Variants in ABCB9 observed in about 807,000 individuals in gnomAD.
ABCB9 encodes ATP binding cassette subfamily B member 9, also known as ABC-type oligopeptide transporter ABCB9.
In ABCB9, 36 loss-of-function variants were observed where a neutral mutation model predicts 62.0. The ratio of observed to expected loss-of-function variants is 0.58; its 90% CI spans 0.45 to 0.77. The LOEUF is 0.77. ABCB9 is among the 30% of genes least tolerant of loss of function. ABCB9 has a pLI of 0.00. For missense variants in ABCB9, 943 were observed against 1,054.7 expected, an observed-to-expected ratio of 0.89 and a Z score of 1.47; for synonymous variants, 435 against 461.4, an observed-to-expected ratio of 0.94 and a Z score of 0.73.
At chr12:122,953,802 G>A (rs2036484310) in intron 2 of ABCB9, among the ~76,000 whole-genome samples, 1 of 152,110 alleles carries the variant, frequency 6.6e-6, no homozygotes, top group Non-Finnish European at 1.5e-5. Flanking sequence ...GATTACAGGT[G>A]TGAGCCACCA....
Position 122,929,773 on chromosome 12 carries a change from C to T in ABCB9, c.*138G>A, listed in dbSNP as rs1251693690. 4.9e-6 allele frequency: 7 copies of T among 1,416,098 alleles called. No individual in the cohort carries two copies. The highest frequency in any genetic ancestry group is 3.2e-5 in the South Asian group (2 of 63,346). 87.7% of individuals were successfully genotyped at this position (1,416,098 alleles called of 1,614,324 possible). A position where few individuals can be genotyped will look rare whatever the true frequency, so the allele number is the denominator to read the frequency against. On this transcript the variant is annotated 3_prime_UTR_variant, in exon 12 of 12. Transcript: ENST00000280560. This position sits in a 1 kb window ranked among gnomAD's most constrained non-coding sequence, Gnocchi z 6.0. Reference sequence around the variant, plus strand: ...GGGACCAGGGGCAAGATGCAGGAAGCGGTGATCCATGGGACATGGCAGGTC... The same window carrying T: ...GGGACCAGGGGCAAGATGCAGGAAGTGGTGATCCATGGGACATGGCAGGTC...
At position 122,942,457 on chromosome 12, in the gene ABCB9, A is replaced by G. The variant is rs550363411; in HGVS notation, c.1381-1462T>C. Among the ~76,000 whole-genome samples the G allele has an allele frequency of 9.2e-5, 14 of 151,540 alleles. No homozygotes were observed. The South Asian group carries it at 2.7e-3, about 29-fold the overall frequency. ...ACAATTTTGTACTAAATTTTGTACT[A>G]AAAGTACAAAAATTAGCTGGGCATG... On this transcript the variant is annotated intron_variant, in intron 7 of 11. Coordinates refer to ENST00000280560, the MANE Select transcript of ABCB9 (RefSeq NM_019625.4).
chr12:122,951,149 T>C (rs1352224963), intron 2 of ABCB9: 1 of 152,028 alleles, frequency 6.6e-6, no homozygotes, highest in Non-Finnish European at 1.5e-5. Context: ...CTCCTGAACT[T>C]TGTTTCATTC....
chr12:122,945,900 A>G (rs766141188), intron 6 of ABCB9, 125 bp downstream of exon 6: 17 of 912,328 alleles, frequency 1.9e-5, no homozygotes, highest in Middle Eastern at 3.4e-4. Flanking sequence ...AAAAAAAAAG[A>G]AAGACAGACA....
At chr12:122,936,598 T>C (rs1181022597) in intron 9 of ABCB9, among the ~76,000 whole-genome samples, 3 of 151,908 alleles carry the variant, frequency 2.0e-5, no homozygotes, top group Non-Finnish European at 1.5e-5. Flanking sequence ...AGAACCCGTC[T>C]CTACAAAATA....
intron 5 of ABCB9, chr12:122,948,228 G>A (rs564581108): frequency 9.7e-5 from 15 of 155,288 alleles, no homozygotes; most frequent in Non-Finnish European, 1.7e-4. Flanking sequence ...ATGAGCCACC[G>A]GGCCCAGCCA....
At chr12:122,973,357 G>A (rs2037307925) in intron 1 of ABCB9, 1 of 151,642 alleles carries the variant, frequency 6.6e-6, no homozygotes, top group Admixed American at 6.6e-5. Flanking sequence ...GAGGTCAGGA[G>A]ATCGAGACCA....
Position 122,940,195 on chromosome 12 carries a change from C to A in ABCB9, c.1659G>T (p.Glu553Asp), listed in dbSNP as rs1383540381. Reference protein sequence around the residue: ...SGKSSCVNILENFYPLEGGRV... With the variant: ...SGKSSCVNILDNFYPLEGGRV... The stretch of plus-strand genomic sequence containing the variant: ...GGCCCCCCTCCAGGGGGTAGAAGTT[C>A]TCCAGGATGTTGACACAGGAGCTCT... The change falls in exon 9 of 12, where the codon GAG (glutamate) becomes GAT (aspartate). Residue 553 changes from glutamate (E) to aspartate (D), a missense_variant. Transcript: ENST00000280560. The surrounding 1 kb of genome is among the most constrained non-coding windows in gnomAD (Gnocchi z 4.8). 6.2e-7 allele frequency: 1 copy of A among 1,613,664 alleles called. No individual in the cohort carries two copies.
intron 10 of ABCB9, among the ~76,000 whole-genome samples, chr12:122,934,677 T>C (rs961518432): frequency 1.9e-4 from 28 of 150,970 alleles, no homozygotes; most frequent in African/African-American, 6.6e-4. Flanking sequence ...TAAAAATATA[T>C]AAAACTCTAA....
Position 122,940,050 on chromosome 12 carries a change from A to C in ABCB9, c.1743+61T>G. 5 of 1,548,922 alleles carry C rather than the reference A, an allele frequency of 3.2e-6. No homozygotes were observed. The highest frequency in any genetic ancestry group is 3.5e-6 in the Non-Finnish European group (4 of 1,143,322). On this transcript the variant is annotated intron_variant, in intron 9 of 11. Transcript: ENST00000280560. This position sits in a 1 kb window ranked among gnomAD's most constrained non-coding sequence, Gnocchi z 4.8. ...CCCTCTTCCGCACCTGTTACAGCTC[A>C]CAAGAAAGACGGTTAGATGCAGAAA... is the stretch of plus-strand genomic sequence containing the variant.
At chr12:122,936,388 G>A (rs1300155443) in intron 9 of ABCB9, among the ~76,000 whole-genome samples, 1 of 152,164 alleles carries the variant, frequency 6.6e-6, no homozygotes, top group Non-Finnish European at 1.5e-5. Flanking sequence ...TCATGTCTTA[G>A]TTACAAGATT....
At chr12:122,962,368 C>T (rs1371053040) in intron 1 of ABCB9, among the ~76,000 whole-genome samples, 1 of 152,144 alleles carries the variant, frequency 6.6e-6, no homozygotes, top group Admixed American at 6.5e-5. Flanking sequence ...TCTAGATCCC[C>T]CAAGAGGAGG....
chr12:122,948,687 C>G lies in ABCB9; in HGVS notation c.990G>C (p.Leu330Phe). Residue 330 changes from leucine to phenylalanine, a missense_variant, in exon 5 of 12, where the codon TTG becomes TTC. Physicochemically the swap from Leu to Phe is conservative, Grantham distance 22. Coordinates refer to ENST00000280560, the MANE Select transcript of ABCB9 (RefSeq NM_019625.4). ...FMFSLSWQLS[L>F]VTFMGFPIIM... Reference sequence around the variant, plus strand: ...TGATGGGGAAGCCCATGAAGGTGACCAAGGAGAGCTGCCATGAGAGGCTGA... The same window carrying G: ...TGATGGGGAAGCCCATGAAGGTGACGAAGGAGAGCTGCCATGAGAGGCTGA... 1 of 1,613,964 alleles carries G rather than the reference C, an allele frequency of 6.2e-7. No homozygotes were observed.
intron 1 of ABCB9, chr12:122,972,980 G>A (rs896812995): frequency 4.6e-5 from 7 of 152,214 alleles, no homozygotes; most frequent in Non-Finnish European, 8.8e-5. Flanking sequence ...CTAGGTTTAT[G>A]ACTCTAGACA....
At chr12:122,919,073 C>T (rs1163658527), downstream of ABCB9, among the ~76,000 whole-genome samples, 1 of 152,354 alleles carries the variant, frequency 6.6e-6, no homozygotes, top group African/African-American at 2.4e-5. Flanking sequence ...ACCAGCACTT[C>T]ATTCCTTTCT....
chr12:122,974,781 G>T (rs987667185), exon 1 of ABCB9: 3 of 153,368 alleles, frequency 2.0e-5, no homozygotes, highest in African/African-American at 7.2e-5. Flanking sequence ...AGGGACCCGG[G>T]GTAGATGCTA....
chr12:122,933,131 G>A (rs188521129), intron 10 of ABCB9, among the ~76,000 whole-genome samples: 111 of 152,222 alleles, frequency 7.3e-4, no homozygotes, highest in African/African-American at 2.4e-3. Context: ...GGCCTCAAGC[G>A]ATCCTCTTGC....
chr12:122,930,075 GCAC>G lies in ABCB9; in HGVS notation c.2134_2136del (p.Val712del). ...TGCTGCACTACGCGGCCCTTGTCCA[GCAC>G]CACAATGAGGTGCGCGTGCTCCACG... On this transcript the variant is annotated inframe_deletion, in exon 12 of 12. Transcript: ENST00000280560. This position sits in a 1 kb window ranked among gnomAD's most constrained non-coding sequence, Gnocchi z 4.9. 2.6e-6 allele frequency: 4 copies of G among 1,565,406 alleles called. No homozygotes were observed. Among genetic ancestry groups the G allele is most frequent in the Non-Finnish European group, 3.5e-6 (4 of 1,155,268 alleles).
chr12:122,940,265 G>A lies in ABCB9; in HGVS notation c.1589C>T (p.Ser530Phe), dbSNP rs2035686486. 2 of 1,603,714 alleles carry A rather than the reference G, an allele frequency of 1.2e-6. No homozygotes were observed. The highest frequency in any genetic ancestry group is 3.4e-5 in the Admixed American group (2 of 58,814). Residue 530 changes from serine to phenylalanine, a missense_variant, in exon 9 of 12, where the codon TCC becomes TTC. By Grantham distance (155) the Ser-to-Phe change is radical. Transcript: ENST00000280560. The surrounding 1 kb of genome is among the most constrained non-coding windows in gnomAD (Gnocchi z 4.8). ...QVLQNVSFSL[S>F]PGKVTALVGP... ...CACCAGGGCCGTCACCTTGCCGGGG[G>A]ACAGGCTGAAGGAGACATTCTGCAA...
Sources: gnomAD v4.1 joint callset for allele counts (sites outside exome capture counted in the v4.1 genomes callset) on GRCh38, gnomAD v4.1.1 for gene constraint, Gnocchi (gnomAD v3.1) non-coding constraint, MANE v1.5 for transcripts, NCBI Gene and HGNC (gene_info 2026-07-23, HGNC 2026-07-21) for gene names.